LPP: variants seen among roughly 807,000 people sequenced by gnomAD.
LPP encodes the protein LIM domain containing preferred translocation partner in lipoma, also known as lipoma-preferred partner.
Under a neutral mutation model 60.4 loss-of-function variants are expected in LPP, and 38 were observed. The ratio of observed to expected loss-of-function variants is 0.63; its 90% CI spans 0.49 to 0.83. The LOEUF (loss-of-function observed/expected upper bound fraction) is 0.83. Among genes scored for constraint, LPP ranks in the 40% least tolerant of loss-of-function variants. The pLI is 0.00. For missense variants in LPP, 902 were observed against 783.6 expected, an observed-to-expected ratio of 1.15 and a Z score of -1.80; for synonymous variants, 328 against 290.8, an observed-to-expected ratio of 1.13 and a Z score of -1.30.
chr3:188,491,881 C>T (rs1560473737), intron 5 of LPP, among the ~76,000 whole-genome samples: 2 of 152,132 alleles, frequency 1.3e-5, no homozygotes. Context: ...CATTAGGAAA[C>T]TTTTAATGGA....
intron 7 of LPP, among the ~76,000 whole-genome samples, chr3:188,659,911 A>G (rs946063564): frequency 1.3e-5 from 2 of 151,066 alleles, no homozygotes; most frequent in Non-Finnish European, 2.9e-5. Flanking sequence ...TTCCCAATCC[A>G]TTTCCTCCTC....
At chr3:188,555,071 C>G (rs1285992596) in intron 6 of LPP, among the ~76,000 whole-genome samples, 1 of 152,030 alleles carries the variant, frequency 6.6e-6, no homozygotes, top group Non-Finnish European at 1.5e-5. Flanking sequence ...GAGGAGAGAT[C>G]TCAAGGAGGT....
At chr3:188,368,680 T>TCACACACACACACA (rs1442170326) in intron 3 of LPP, among the ~76,000 whole-genome samples, 22 of 95,330 alleles carry the variant, frequency 2.3e-4, no homozygotes, top group Non-Finnish European at 3.8e-4. Context: ...ACACACACAC[T>TCACACACACACACA]CTCACACACA....
intron 6 of LPP, among the ~76,000 whole-genome samples, chr3:188,570,463 G>C (rs2150833868): frequency 6.6e-6 from 1 of 152,126 alleles, no homozygotes. Context: ...ATCCAGAATA[G>C]AGTAGTAATT....
At chr3:188,324,971 CTTTT>C (rs753701294) in intron 2 of LPP, among the ~76,000 whole-genome samples, 3 of 151,134 alleles carry the variant, frequency 2.0e-5, no homozygotes, top group Non-Finnish European at 3.0e-5. Context: ...ATGTTCTCTC[CTTTT>C]TTTTTCTTTC....
chr3:188,282,046 TCTC>T (rs1028451220), intron 2 of LPP, among the ~76,000 whole-genome samples: 6 of 152,062 alleles, frequency 3.9e-5, no homozygotes, highest in African/African-American at 1.4e-4. Context: ...ACCTTGTCCT[TCTC>T]CTCCCCTCCT....
At chr3:188,555,723 A>G (rs139269116) in intron 6 of LPP, among the ~76,000 whole-genome samples, 2 of 152,244 alleles carry the variant, frequency 1.3e-5, no homozygotes, top group East Asian at 1.9e-4. Flanking sequence ...AAGGATGATC[A>G]GCCATTTGGC....
intron 5 of LPP, among the ~76,000 whole-genome samples, chr3:188,488,077 TGGTTTCTGACAGA>T (rs1284389792): frequency 1.3e-5 from 2 of 151,526 alleles, no homozygotes; most frequent in Non-Finnish European, 2.9e-5. Flanking sequence ...ATGGATCCTC[TGGTTTCTGACAGA>T]GGTCTTATTG....
chr3:188,416,177 G>A (rs558032398), intron 4 of LPP, among the ~76,000 whole-genome samples: 4 of 152,228 alleles, frequency 2.6e-5, no homozygotes, highest in African/African-American at 9.6e-5. Flanking sequence ...TACTCAAAGT[G>A]CTATCTTACA....
At chr3:188,602,545 T>C (rs1256319862) in intron 6 of LPP, among the ~76,000 whole-genome samples, 2 of 151,986 alleles carry the variant, frequency 1.3e-5, no homozygotes, top group Non-Finnish European at 2.9e-5. Context: ...GAATCCCTAA[T>C]AATGAGACCA....
rs879681219 is a variant in LPP, at chr3:188,460,122, T to C, written c.194-24470T>C. Among the ~76,000 whole-genome samples, 9 of 152,298 alleles carry C rather than the reference T, an allele frequency of 5.9e-5. No homozygotes were observed. The East Asian group carries it at 1.5e-3, about 26-fold the overall frequency. On this transcript the variant is annotated intron_variant, in intron 4 of 11. Transcript: ENST00000617246. ...TTTTGGAGAAAAACAACAGCCTTAT[T>C]GATTTACAGACATCTTTCTATTTAT...
intron 9 of LPP, among the ~76,000 whole-genome samples, chr3:188,857,178 G>A (rs1032146901): frequency 2.0e-5 from 3 of 152,222 alleles, no homozygotes; most frequent in African/African-American, 7.2e-5. Flanking sequence ...GTCCTAGTAT[G>A]TGAGGTGAGA....
chr3:188,476,324 A>C lies in LPP; in HGVS notation c.194-8268A>C, dbSNP rs576511477. 2.6e-5 allele frequency among the ~76,000 whole-genome samples: 4 copies of C among 152,324 alleles called. No individual in the cohort carries two copies. In the South Asian group the frequency reaches 8.3e-4, roughly 32 times the overall value. ...GATCAACATCATTATTTTGGTGACC[A>C]CACAATTTCCCACTGTATGATTGCA... On this transcript the variant is annotated intron_variant, in intron 4 of 11. Transcript: ENST00000617246.
At chr3:188,364,174 GACTC>G (rs1410755361) in intron 3 of LPP, among the ~76,000 whole-genome samples, 2 of 152,130 alleles carry the variant, frequency 1.3e-5, no homozygotes, top group African/African-American at 4.8e-5. Context: ...GGCCCTGCCC[GACTC>G]ATTGTTTATG....
At chr3:188,869,871 A>T (rs944925190) in intron 10 of LPP, among the ~76,000 whole-genome samples, 2 of 152,176 alleles carry the variant, frequency 1.3e-5, no homozygotes, top group African/African-American at 4.8e-5. Flanking sequence ...CACATATGTC[A>T]TTTCAGATGA....
intron 9 of LPP, among the ~76,000 whole-genome samples, chr3:188,784,108 TCGTA>T (rs965231318): frequency 1.4e-4 from 21 of 151,134 alleles, no homozygotes; most frequent in African/African-American, 4.9e-4. Flanking sequence ...CCAAAGTCCG[TCGTA>T]TCATTCTTAT....
intron 9 of LPP, among the ~76,000 whole-genome samples, chr3:188,788,526 A>T (rs556319721): frequency 6.1e-4 from 93 of 152,326 alleles, no homozygotes; most frequent in South Asian, 1.9e-3. Flanking sequence ...CATAGCATTT[A>T]GAAGACTGTA....
At chr3:188,821,334 A>T (rs1428870643) in intron 9 of LPP, among the ~76,000 whole-genome samples, 1 of 149,076 alleles carries the variant, frequency 6.7e-6, no homozygotes, top group African/African-American at 2.5e-5. Context: ...AGATCACTCA[A>T]ATCAGAATAT....
At chr3:188,239,748 A>G (rs1723212299) in intron 2 of LPP, 1 of 217,794 alleles carries the variant, frequency 4.6e-6, no homozygotes, top group African/African-American at 2.3e-5. Context: ...AGCACAAATT[A>G]GAAGTCTTTG....
Sources: allele counts gnomAD v4.1 joint callset (sites outside exome capture counted in the v4.1 genomes callset), GRCh38; gene constraint gnomAD v4.1.1; transcripts MANE v1.5; gene names NCBI Gene and HGNC (gene_info 2026-07-23, HGNC 2026-07-21).